The following NIT2 variants were observed in gnomAD, a reference collection of about 807,000 sequenced individuals.
The protein encoded by NIT2 is omega-amidase NIT2.
In NIT2, 46 loss-of-function variants were observed where a neutral mutation model predicts 42.7. The ratio of observed to expected loss-of-function variants is 1.08; its 90% CI spans 0.85 to 1.38. NIT2 has a LOEUF of 1.38. Ranked by LOEUF, NIT2 falls within the 40% of genes most tolerant of loss-of-function variation. The pLI is 0.00. For missense variants in NIT2, 309 were observed against 342.5 expected (o/e 0.90, Z 0.77); for synonymous variants, 123 against 121.9 (o/e 1.01, Z -0.06).
In NIT2 at chr3:100,355,790, A is replaced by G. The variant is rs1488794336; in HGVS notation, c.*522A>G. The stretch of plus-strand genomic sequence containing the variant: ...CCTCCTACCAGCCTTTGCACTCTTC[A>G]AATTTAAAAAGGAGCTACTTATCAA... On this transcript the variant is annotated 3_prime_UTR_variant, in exon 10 of 10. Transcript: ENST00000394140. 2.0e-5 allele frequency: 3 copies of G among 152,390 alleles called. No individual in the cohort carries two copies. Among genetic ancestry groups the G allele is most frequent in the Non-Finnish European group, 4.4e-5 (3 of 68,268 alleles). 9.4% of individuals were successfully genotyped at this position (152,390 alleles called of 1,614,324 possible). A position where few individuals can be genotyped will look rare whatever the true frequency, so the allele number is the denominator to read the frequency against.
rs1559825806 is a variant in NIT2, at chr3:100,352,401, C to A, written c.585-3C>A. ...TTACCTCTTTCCTGTCTATTGACTA[C>A]AGGGCTGTTGATAATCAGGTGTATG... On this transcript the variant is annotated splice_polypyrimidine_tract_variant and splice_region_variant and intron_variant, in intron 7 of 9. Transcript: ENST00000394140. 1.2e-6 allele frequency: 2 copies of A among 1,609,648 alleles called. No homozygotes were observed. Among genetic ancestry groups the A allele is most frequent in the Non-Finnish European group, 1.7e-6 (2 of 1,176,310 alleles).
chr3:100,352,992 A>G (rs1311235574), intron 8 of NIT2, among the ~76,000 whole-genome samples: 21 of 152,220 alleles, frequency 1.4e-4, no homozygotes, highest in Non-Finnish European at 2.9e-5. Flanking sequence ...TTTATTACTC[A>G]GTGGAGCCAG....
At chr3:100,339,777 G>A (rs1169518405) in intron 2 of NIT2, 38 bp from the exon 3 acceptor site, 3 of 1,588,860 alleles carry the variant, frequency 1.9e-6, no homozygotes, top group Non-Finnish European at 2.6e-6. Flanking sequence ...ATGGGTGGGT[G>A]TTTTGATCTT....
chr3:100,352,030 C>T (rs1340733075), intron 7 of NIT2, among the ~76,000 whole-genome samples: 2 of 152,162 alleles, frequency 1.3e-5, no homozygotes, highest in Non-Finnish European at 2.9e-5. Context: ...CAGTGGCCAT[C>T]AGAGAAATGC....
At chr3:100,348,538 G>A (rs1706240546) in intron 6 of NIT2, among the ~76,000 whole-genome samples, 1 of 152,176 alleles carries the variant, frequency 6.6e-6, no homozygotes, top group East Asian at 1.9e-4. Flanking sequence ...CGACCGTCCT[G>A]TATTATTTCT....
chr3:100,341,119 T>A lies in NIT2; in HGVS notation c.294T>A (p.Ala98=). 13 of 1,613,754 alleles carry A rather than the reference T, an allele frequency of 8.1e-6. No individual in the cohort carries two copies. Among genetic ancestry groups the A allele is most frequent in the Non-Finnish European group, 1.1e-5 (13 of 1,179,654 alleles). The change falls in exon 4 of 10, where the codon GCT becomes GCA. Residue 98 remains alanine (A), a synonymous_variant. Transcript: ENST00000394140. ...EDAGKLYNTC[A]VFGPDGTLLA... Reference sequence around the variant, plus strand: ...CTGGGAAATTATATAACACCTGTGCTGTGTTTGGGCCTGATGGAACTTTAC... The same window carrying A: ...CTGGGAAATTATATAACACCTGTGCAGTGTTTGGGCCTGATGGAACTTTAC...
At chr3:100,339,709 T>C in intron 2 of NIT2, 106 bp from the exon 3 acceptor site, 2 of 1,144,204 alleles carry the variant, frequency 1.7e-6, no homozygotes, top group Non-Finnish European at 1.2e-6. Flanking sequence ...GTTTTAACCC[T>C]TCGACTGAAA....
chr3:100,353,819 G>GCCGGA (rs1559826142), intron 8 of NIT2, among the ~76,000 whole-genome samples: 24 of 150,744 alleles, frequency 1.6e-4, no homozygotes, highest in African/African-American at 5.9e-4. Flanking sequence ...TGTCGCCCAG[G>GCCGGA]CTGGAGTGCA....
At chr3:100,346,612 A>G (rs1706220394) in intron 6 of NIT2, among the ~76,000 whole-genome samples, 1 of 152,156 alleles carries the variant, frequency 6.6e-6, no homozygotes, top group Non-Finnish European at 1.5e-5. Context: ...GTGGTCTGTG[A>G]TATTTTGGTC....
chr3:100,340,962 T>C (rs1286598476), intron 3 of NIT2, 111 bp from the exon 4 acceptor site: 1 of 685,668 alleles, frequency 1.5e-6, no homozygotes, highest in African/African-American at 1.8e-5. Flanking sequence ...AAATAAACCG[T>C]AAAAGATAGG....
rs957466348 is a variant in NIT2 at position 100,356,946 on chromosome 3, A to G, written c.*1678A>G. ...AAAATTACTTCTTTCACTCAAAATC[A>G]CTCAAAATTACATACTCTGTATGTC... On this transcript the variant is annotated 3_prime_UTR_variant, in exon 10 of 10. Transcript: ENST00000394140. 2 of 152,106 alleles carry G rather than the reference A, an allele frequency of 1.3e-5. No homozygotes were observed. Among genetic ancestry groups the G allele is most frequent in the East Asian group, 3.9e-4 (2 of 5,190 alleles). 9.4% of individuals were successfully genotyped at this position (152,106 alleles called of 1,614,324 possible). A position where few individuals can be genotyped will look rare whatever the true frequency, so the allele number is the denominator to read the frequency against.
At position 100,355,197 on chromosome 3, in the gene NIT2, A is replaced by G. The variant is rs372251393; in HGVS notation, c.760A>G (p.Ile254Val). The part of the protein sequence containing the change: ...SDIDLKKLAE[I>V]RQQIPVFRQK... The stretch of plus-strand genomic sequence containing the variant: ...TGCAGACCTGAAGAAGCTGGCTGAA[A>G]TACGCCAGCAAATCCCCGTTTTTAG... The change falls in exon 10 of 10, where the codon ATA (isoleucine) becomes GTA (valine). Residue 254 changes from isoleucine (I) to valine (V), a missense_variant. Physicochemically the swap from Ile to Val is conservative, Grantham distance 29 (BLOSUM62 3). Transcript: ENST00000394140. 1.1e-5 allele frequency: 18 copies of G among 1,614,124 alleles called. No individual in the cohort carries two copies. The highest frequency in any genetic ancestry group is 1.5e-5 in the Non-Finnish European group (18 of 1,179,982).
intron 1 of NIT2, among the ~76,000 whole-genome samples, chr3:100,336,444 C>G (rs551279237): frequency 6.6e-6 from 1 of 152,086 alleles, no homozygotes; most frequent in East Asian, 1.9e-4. Flanking sequence ...GCCCAGGGGA[C>G]CAGCGTTCGG....
rs755133997 is a variant in NIT2 at position 100,341,201 on chromosome 3, G to A, written c.336+40G>A. 2.0e-5 allele frequency: 29 copies of A among 1,469,058 alleles called. No homozygotes were observed. The Middle Eastern group carries it at 5.2e-4, about 26-fold the overall frequency. 91.0% of individuals were successfully genotyped at this position (1,469,058 alleles called of 1,614,324 possible). ...TGGCATAAGAATTTGTTATCTCTAA[G>A]CCAGCAACAATGTGTGGAAAAAAAA... On this transcript the variant is annotated intron_variant, in intron 4 of 9. Transcript: ENST00000394140.
intron 1 of NIT2, 174 bp downstream of exon 1, chr3:100,334,972 G>A: frequency 1.6e-6 from 1 of 619,034 alleles, no homozygotes; most frequent in Non-Finnish European, 2.5e-6. Flanking sequence ...GGGCGGCCGG[G>A]CGCACTCCCG....
intron 6 of NIT2, among the ~76,000 whole-genome samples, chr3:100,348,393 A>G (rs1706239199): frequency 6.6e-6 from 1 of 152,196 alleles, no homozygotes; most frequent in Non-Finnish European, 1.5e-5. Context: ...CCTAGGTCAA[A>G]CCCAGCACCA....
rs200134010 is a variant in NIT2, at chr3:100,348,796, C to A, written c.506-7C>A. On this transcript the variant is annotated splice_region_variant and splice_polypyrimidine_tract_variant and intron_variant, in intron 6 of 9. Coordinates refer to ENST00000394140, the MANE Select transcript of NIT2 (RefSeq NM_020202.5). The stretch of plus-strand genomic sequence containing the variant: ...ATCCACTGTTCTTTGGCTTTTCTCT[C>A]CCCAAGGCTGCCAGCTGTTGGTATA... 6.2e-7 allele frequency: 1 copy of A among 1,613,640 alleles called. No homozygotes were observed. The highest frequency in any genetic ancestry group is 1.3e-5 in the African/African-American group (1 of 75,050).
At chr3:100,347,641 G>A (rs1013738418) in intron 6 of NIT2, among the ~76,000 whole-genome samples, 8 of 152,100 alleles carry the variant, frequency 5.3e-5, no homozygotes, top group Non-Finnish European at 1.2e-4. Context: ...TGTCGCCCAG[G>A]CTTTCCGTCC....
intron 5 of NIT2, 63 bp downstream of exon 5, chr3:100,345,741 C>A (rs2148882774): frequency 9.8e-7 from 1 of 1,017,450 alleles, no homozygotes. Flanking sequence ...GTATTTATTT[C>A]TTTTTTGTCT....
Sources: allele counts gnomAD v4.1 joint callset (sites outside exome capture counted in the v4.1 genomes callset), GRCh38; gene constraint gnomAD v4.1.1; transcripts MANE v1.5; gene names NCBI Gene and HGNC (gene_info 2026-07-23, HGNC 2026-07-21).